ZFPM2: variants seen among roughly 807,000 people sequenced by gnomAD.
ZFPM2 encodes the protein zinc finger protein ZFPM2.
In ZFPM2, 20 loss-of-function variants were observed where a neutral mutation model predicts 98.6. The ratio of observed to expected loss-of-function variants is 0.20; its 90% confidence interval spans 0.14 to 0.29. The LOEUF (loss-of-function observed/expected upper bound fraction) is 0.29, where lower values mean the gene tolerates loss of function less well. Ranked by LOEUF, ZFPM2 falls within the 10% of genes least tolerant of loss-of-function variation. The probability of loss-of-function intolerance (pLI) is 1.00; values close to 1 mark genes in which losing one functional copy is unlikely to be tolerated. For missense variants in ZFPM2, 1,310 were observed against 1,388.6 expected (o/e 0.94, Z 0.90); for synonymous variants, 518 against 502.7 (o/e 1.03, Z -0.41).
chr8:105,325,801 G>T (rs1425285030), intron 1 of ZFPM2, among the ~76,000 whole-genome samples: 1 of 151,750 alleles, frequency 6.6e-6, no homozygotes. Flanking sequence ...CAAAAAGGTA[G>T]AGAAGAATTG....
rs112340064 is a variant in ZFPM2 at position 105,461,585 on chromosome 8, A to G, written c.301+17204A>G. Among the ~76,000 whole-genome samples the G allele has an allele frequency of 3.5e-3, 531 of 152,262 alleles. 4 individuals carry two copies. The highest frequency in any genetic ancestry group is 0.012 in the African/African-American group (508 of 41,568). On this transcript the variant is annotated intron_variant, in intron 3 of 7. Coordinates refer to ENST00000407775, the MANE Select transcript of ZFPM2 (RefSeq NM_012082.4). Reference sequence around the variant, plus strand: ...TGTTATTCTTTTGAAATGATAAAACAACTATCTAGGATTAATGTTGAGGTT... The same window carrying G: ...TGTTATTCTTTTGAAATGATAAAACGACTATCTAGGATTAATGTTGAGGTT...
intron 4 of ZFPM2, among the ~76,000 whole-genome samples, chr8:105,627,673 C>T (rs1413115454): frequency 6.6e-6 from 1 of 152,182 alleles, no homozygotes; most frequent in African/African-American, 2.4e-5. Flanking sequence ...TCATTTCTTT[C>T]TCATACTCCC....
intron 5 of ZFPM2, among the ~76,000 whole-genome samples, chr8:105,657,832 C>T (rs1275295630): frequency 1.3e-5 from 2 of 152,268 alleles, no homozygotes; most frequent in East Asian, 1.9e-4. Flanking sequence ...AAATGATGTT[C>T]ATTTCCACCC....
At chr8:105,711,749 T>C (rs1811406671) in intron 5 of ZFPM2, among the ~76,000 whole-genome samples, 1 of 152,010 alleles carries the variant, frequency 6.6e-6, no homozygotes, top group African/African-American at 2.4e-5. Flanking sequence ...AAATAGTACA[T>C]ATGCTCCGAA....
intron 5 of ZFPM2, among the ~76,000 whole-genome samples, chr8:105,689,794 G>C (rs1810834274): frequency 6.6e-6 from 1 of 152,182 alleles, no homozygotes; most frequent in Admixed American, 6.5e-5. Context: ...GTTCAAGACT[G>C]TGTGCAGCTG....
intron 3 of ZFPM2, among the ~76,000 whole-genome samples, chr8:105,524,456 GTGT>G (rs1563698995): frequency 7.3e-5 from 11 of 151,340 alleles, no homozygotes; most frequent in African/African-American, 2.7e-4. Flanking sequence ...ATTCTTGGGT[GTGT>G]GTGTGTGTGT....
chr8:105,561,243 A>G (rs1257713244), intron 3 of ZFPM2, 120 bp from the exon 4 acceptor site: 2 of 774,900 alleles, frequency 2.6e-6, no homozygotes, highest in Non-Finnish European at 4.4e-6. Context: ...GACAAGCATA[A>G]TTAATTCTCT....
At chr8:105,673,977 A>G (rs1453978814) in intron 5 of ZFPM2, among the ~76,000 whole-genome samples, 1 of 152,212 alleles carries the variant, frequency 6.6e-6, no homozygotes, top group Non-Finnish European at 1.5e-5. Flanking sequence ...AGATAAAAGA[A>G]GTGTTAAATG....
intron 5 of ZFPM2, among the ~76,000 whole-genome samples, chr8:105,783,650 T>C (rs1813327542): frequency 6.6e-6 from 1 of 152,204 alleles, no homozygotes; most frequent in South Asian, 2.1e-4. Flanking sequence ...TGTTTGTCTT[T>C]TTGTGACACT....
intron 2 of ZFPM2, among the ~76,000 whole-genome samples, chr8:105,430,901 CTTT>C (rs570944607): frequency 1.6e-5 from 2 of 128,814 alleles, no homozygotes; most frequent in African/African-American, 3.0e-5. Context: ...TTGTCCACAA[CTTT>C]TTTTTTTTTT....
intron 5 of ZFPM2, among the ~76,000 whole-genome samples, chr8:105,708,544 C>T (rs940269214): frequency 1.3e-5 from 2 of 152,110 alleles, no homozygotes; most frequent in African/African-American, 4.8e-5. Context: ...ATCCTCCCAC[C>T]TCAGCCTCCC....
At chr8:105,708,845 AAAG>A (rs1318958040) in intron 5 of ZFPM2, among the ~76,000 whole-genome samples, 66 of 152,338 alleles carry the variant, frequency 4.3e-4, no homozygotes, top group African/African-American at 1.4e-3. Context: ...GGCAAATAAT[AAAG>A]TACTTCCTGT....
chr8:105,670,676 T>A (rs1384040540), intron 5 of ZFPM2, among the ~76,000 whole-genome samples: 2 of 152,154 alleles, frequency 1.3e-5, no homozygotes, highest in Non-Finnish European at 2.9e-5. Context: ...AATAGCTTCA[T>A]TGCATATGTA....
intron 1 of ZFPM2, among the ~76,000 whole-genome samples, chr8:105,385,192 A>G (rs1184130921): frequency 6.6e-6 from 1 of 152,200 alleles, no homozygotes; most frequent in Non-Finnish European, 1.5e-5. Context: ...TACATGCCTC[A>G]TGCATATTTT....
At chr8:105,492,914 A>G (rs1193040766) in intron 3 of ZFPM2, among the ~76,000 whole-genome samples, 1 of 152,138 alleles carries the variant, frequency 6.6e-6, no homozygotes, top group Non-Finnish European at 1.5e-5. Flanking sequence ...AATGCCCTGC[A>G]TTTGCAGTAG....
At chr8:105,363,879 G>A (rs75387419) in intron 1 of ZFPM2, among the ~76,000 whole-genome samples, 2,174 of 152,072 alleles carry the variant, frequency 0.014, 38 homozygotes, top group African/African-American at 0.042. Context: ...TTCCCTCCTT[G>A]AATTTTCTAA....
Position 105,803,658 on chromosome 8 carries a change from T to A in ZFPM2, c.*120T>A. On this transcript the variant is annotated 3_prime_UTR_variant, in exon 8 of 8. Coordinates refer to ENST00000407775, the MANE Select transcript of ZFPM2 (RefSeq NM_012082.4). The stretch of plus-strand genomic sequence containing the variant: ...CAATCAGGAGATAATTCATTATGGC[T>A]GAGTTGAAGACTTAAGGTGTAATTT... 1.0e-6 allele frequency: 1 copy of A among 991,392 alleles called. No homozygotes were observed. The highest frequency in any genetic ancestry group is 1.6e-5 in the South Asian group (1 of 62,228). 61.4% of individuals were successfully genotyped at this position (991,392 alleles called of 1,614,324 possible). A position where few individuals can be genotyped will look rare whatever the true frequency, so the allele number is the denominator to read the frequency against.
intron 4 of ZFPM2, among the ~76,000 whole-genome samples, chr8:105,629,351 T>C (rs1032114464): frequency 6.6e-6 from 1 of 152,234 alleles, no homozygotes; most frequent in Non-Finnish European, 1.5e-5. Flanking sequence ...GATCAATGAC[T>C]GTGGAATAAC....
At position 105,425,586 on chromosome 8, in the gene ZFPM2, A is replaced by T. The variant is rs557008693; in HGVS notation, c.199+6284A>T. ...AGAACCAGTTTCATCATCGTACTCAACTTCTTCTGCCGATAGGCATCCAGG... is the reference window on the plus strand; with the variant it reads ...AGAACCAGTTTCATCATCGTACTCATCTTCTTCTGCCGATAGGCATCCAGG... On this transcript the variant is annotated intron_variant, in intron 2 of 7. Coordinates refer to ENST00000407775, the MANE Select transcript of ZFPM2 (RefSeq NM_012082.4). Among the ~76,000 whole-genome samples the T allele has an allele frequency of 1.8e-4, 27 of 152,304 alleles. 1 individual carries two copies. In the South Asian group the frequency reaches 5.6e-3, roughly 32 times the overall value.
Sources: gnomAD v4.1 joint callset for allele counts (sites outside exome capture counted in the v4.1 genomes callset) on GRCh38, gnomAD v4.1.1 for gene constraint, MANE v1.5 for transcripts, NCBI Gene and HGNC (gene_info 2026-07-23, HGNC 2026-07-21) for gene names.